The following PIK3R3 variants were observed in gnomAD, a reference collection of about 807,000 sequenced individuals.
PIK3R3 encodes the protein phosphoinositide-3-kinase regulatory subunit 3, also known as phosphatidylinositol 3-kinase regulatory subunit gamma.
In PIK3R3, 64 loss-of-function variants were observed where a neutral mutation model predicts 62.9. That is an observed-to-expected ratio of 1.02 (90% CI 0.83 to 1.25). The LOEUF is 1.25. Among genes scored for constraint, PIK3R3 ranks in the 50% most tolerant of loss-of-function variants. The probability of loss-of-function intolerance (pLI) is 0.00; values close to 1 mark genes in which losing one functional copy is unlikely to be tolerated. For synonymous variants in PIK3R3, 165 were observed against 189.0 expected (o/e 0.87, Z 1.04); for missense variants, 614 against 561.6 (o/e 1.09, Z -0.94).
intron 1 of PIK3R3, among the ~76,000 whole-genome samples, chr1:46,103,900 G>T (rs1652944036): frequency 6.6e-6 from 1 of 150,898 alleles, no homozygotes; most frequent in Admixed American, 6.6e-5. Flanking sequence ...GGCCATGATG[G>T]TATATTTTAT....
the PIK3R3 span, among the ~76,000 whole-genome samples, chr1:46,154,395 C>T: frequency 6.6e-6 from 1 of 151,862 alleles, no homozygotes; most frequent in Non-Finnish European, 1.5e-5. Flanking sequence ...CAGCGAGACC[C>T]CAACTCCACA....
At chr1:46,087,386 G>A (rs1389926322) in intron 1 of PIK3R3, among the ~76,000 whole-genome samples, 1 of 151,504 alleles carries the variant, frequency 6.6e-6, no homozygotes, top group Non-Finnish European at 1.5e-5. Flanking sequence ...ATAGGGGTGA[G>A]CCCTATATTG....
chr1:46,097,201 C>T (rs1451849497), intron 1 of PIK3R3, among the ~76,000 whole-genome samples: 1 of 152,028 alleles, frequency 6.6e-6, no homozygotes, highest in Non-Finnish European at 1.5e-5. Context: ...GAATAAAGGA[C>T]AAAGACCAGC....
chr1:46,132,924 T>C, upstream of PIK3R3: 2 of 1,163,898 alleles, frequency 1.7e-6, no homozygotes, highest in Non-Finnish European at 2.2e-6. Flanking sequence ...AATGGTACGA[T>C]CCGGGCGCTG....
intron 3 of PIK3R3, among the ~76,000 whole-genome samples, chr1:46,071,433 C>T (rs1367908658): frequency 2.1e-4 from 32 of 151,784 alleles, no homozygotes; most frequent in Admixed American, 2.1e-3. Flanking sequence ...CGGTAGCTCA[C>T]GCCTATAATC....
intron 3 of PIK3R3, among the ~76,000 whole-genome samples, chr1:46,077,308 A>G (rs1650152582): frequency 6.6e-6 from 1 of 152,144 alleles, no homozygotes; most frequent in African/African-American, 2.4e-5. Context: ...TTTTCTTTCT[A>G]CATTTTTTTA....
chr1:46,131,344 T>A (rs1450006622), intron 1 of PIK3R3, among the ~76,000 whole-genome samples: 1 of 152,088 alleles, frequency 6.6e-6, no homozygotes. Context: ...AGTCTTACAA[T>A]GAATAATCAC....
intron 1 of PIK3R3, among the ~76,000 whole-genome samples, chr1:46,116,339 C>T (rs1157314752): frequency 6.6e-6 from 1 of 151,492 alleles, no homozygotes; most frequent in Non-Finnish European, 1.5e-5. Context: ...AGTGAGACGC[C>T]GTCTCTACAA....
At chr1:46,114,097 C>T (rs1330482514) in intron 1 of PIK3R3, among the ~76,000 whole-genome samples, 2 of 152,166 alleles carry the variant, frequency 1.3e-5, no homozygotes, top group South Asian at 2.1e-4. Flanking sequence ...CGTATAGTAA[C>T]GTACACTGAC....
At chr1:46,132,806 G>A (rs1485946235), upstream of PIK3R3, 1 of 1,238,852 alleles carries the variant, frequency 8.1e-7, no homozygotes, top group East Asian at 5.8e-5. Context: ...AAGTGCCTGA[G>A]AACATGTTCA....
the PIK3R3 span, among the ~76,000 whole-genome samples, chr1:46,162,378 G>A: frequency 6.6e-6 from 1 of 151,810 alleles, no homozygotes; most frequent in Admixed American, 6.6e-5. Context: ...CAGCTACTCA[G>A]GAGGATCACT....
At chr1:46,157,305 G>A in the PIK3R3 span, among the ~76,000 whole-genome samples, 11 of 151,998 alleles carry the variant, frequency 7.2e-5, no homozygotes, top group Non-Finnish European at 1.3e-4. Context: ...GCTAATTTTC[G>A]TATTTTTTGT....
At chr1:46,057,881 C>T (rs1049750305) in intron 6 of PIK3R3, among the ~76,000 whole-genome samples, 5 of 44,954 alleles carry the variant, frequency 1.1e-4, no homozygotes, top group East Asian at 1.3e-3. Flanking sequence ...AAATTCAAGC[C>T]GGCTGCAGAA....
At chr1:46,073,454 T>A (rs910159182) in intron 3 of PIK3R3, among the ~76,000 whole-genome samples, 1 of 152,176 alleles carries the variant, frequency 6.6e-6, no homozygotes, top group Non-Finnish European at 1.5e-5. Flanking sequence ...TCACCCAGTG[T>A]AAATAAGTAG....
At chr1:46,165,494 G>A in the PIK3R3 span, among the ~76,000 whole-genome samples, 2 of 151,336 alleles carry the variant, frequency 1.3e-5, no homozygotes, top group African/African-American at 4.9e-5. Context: ...TAGTAGAGAC[G>A]GGGTTTACTC....
chr1:46,154,366 G>A, the PIK3R3 span, among the ~76,000 whole-genome samples: 4 of 152,002 alleles, frequency 2.6e-5, no homozygotes, highest in East Asian at 1.9e-4. Context: ...CCAGCAGTTC[G>A]AGACCAGAAC....
intron 3 of PIK3R3, among the ~76,000 whole-genome samples, chr1:46,069,089 T>A (rs539244011): frequency 1.3e-5 from 2 of 152,170 alleles, no homozygotes; most frequent in Non-Finnish European, 1.5e-5. Context: ...ATTTTGAAGA[T>A]AGAGCTGACA....
At chr1:46,144,535 C>T in the PIK3R3 span, among the ~76,000 whole-genome samples, 3 of 152,154 alleles carry the variant, frequency 2.0e-5, no homozygotes, top group Admixed American at 6.5e-5. Flanking sequence ...TTTGGGAGGC[C>T]GAGGCGGGCG....
At chr1:46,126,920 A>C (rs1478158264) in intron 1 of PIK3R3, among the ~76,000 whole-genome samples, 2 of 152,190 alleles carry the variant, frequency 1.3e-5, no homozygotes, top group Admixed American at 1.3e-4. Context: ...TTTTAAGTCT[A>C]AAAGGGGTAC....
Sources: allele counts gnomAD v4.1 joint callset (sites outside exome capture counted in the v4.1 genomes callset), GRCh38; gene constraint gnomAD v4.1.1; transcripts MANE v1.5; gene names NCBI Gene and HGNC (gene_info 2026-07-23, HGNC 2026-07-21).